ARHGAP17: variants seen among roughly 807,000 people sequenced by gnomAD.
ARHGAP17 encodes the protein rho GTPase-activating protein 17.
Under a neutral mutation model 99.5 loss-of-function variants are expected in ARHGAP17, and 57 were observed. The ratio of observed to expected loss-of-function variants is 0.57; its 90% CI spans 0.46 to 0.71. The LOEUF (loss-of-function observed/expected upper bound fraction) is 0.71, where lower values mean the gene tolerates loss of function less well. Among genes scored for constraint, ARHGAP17 ranks in the 30% least tolerant of loss-of-function variants. The pLI, the probability that ARHGAP17 is intolerant of heterozygous loss-of-function variation, is 0.00. For synonymous variants in ARHGAP17, 417 were observed against 429.6 expected, an observed-to-expected ratio of 0.97 and a Z score of 0.36; for missense variants, 1,000 against 1,122.4, an observed-to-expected ratio of 0.89 and a Z score of 1.56.
At chr16:24,975,139 T>C (rs1224123667) in intron 3 of ARHGAP17, among the ~76,000 whole-genome samples, 2 of 151,974 alleles carry the variant, frequency 1.3e-5, no homozygotes, top group Non-Finnish European at 2.9e-5. Context: ...GACAACAGAG[T>C]GAGACCCTGT....
At position 24,959,142 on chromosome 16, in the gene ARHGAP17, A is replaced by G. The variant is rs1597406493; in HGVS notation, c.724+529T>C. Among the ~76,000 whole-genome samples the G allele has an allele frequency of 2.0e-5, 3 of 152,362 alleles. No homozygotes were observed. In the South Asian group the frequency reaches 6.2e-4, roughly 32 times the overall value. Reference sequence around the variant, plus strand: ...TAGGAGAAATATTAATGGTGATAAGAACAAAAGCTTAGTATAAAGACAAAG... The same window carrying G: ...TAGGAGAAATATTAATGGTGATAAGGACAAAAGCTTAGTATAAAGACAAAG... On this transcript the variant is annotated intron_variant, in intron 9 of 19. Coordinates refer to ENST00000289968, the MANE Select transcript of ARHGAP17 (RefSeq NM_001006634.3).
intron 17 of ARHGAP17, among the ~76,000 whole-genome samples, chr16:24,937,411 G>A (rs2051171844): frequency 6.6e-6 from 1 of 152,020 alleles, no homozygotes; most frequent in Non-Finnish European, 1.5e-5. Context: ...AACAGAGCGA[G>A]ACTTCGTCTC....
At chr16:24,988,669 GTA>G in intron 1 of ARHGAP17, among the ~76,000 whole-genome samples, 1 of 152,244 alleles carries the variant, frequency 6.6e-6, no homozygotes, top group Non-Finnish European at 1.5e-5. Flanking sequence ...TCCTGCACAT[GTA>G]AGCTTACCCA....
intron 1 of ARHGAP17, among the ~76,000 whole-genome samples, chr16:25,010,492 T>C (rs1294906150): frequency 6.6e-6 from 1 of 152,256 alleles, no homozygotes; most frequent in East Asian, 1.9e-4. Flanking sequence ...TATAGACTGT[T>C]ACTATCAGAC....
intron 6 of ARHGAP17, among the ~76,000 whole-genome samples, chr16:24,968,029 A>G (rs930411004): frequency 2.6e-5 from 4 of 152,314 alleles, no homozygotes; most frequent in African/African-American, 9.6e-5. Flanking sequence ...ATGAGCTGTT[A>G]GGGCCACAGA....
intron 1 of ARHGAP17, among the ~76,000 whole-genome samples, chr16:25,006,175 A>C (rs1481215281): frequency 6.6e-6 from 1 of 152,116 alleles, no homozygotes; most frequent in Admixed American, 6.6e-5. Flanking sequence ...CACCTAATTA[A>C]GGTAACAGGA....
At chr16:24,946,946 C>T (rs1385162228) in intron 14 of ARHGAP17, among the ~76,000 whole-genome samples, 4 of 152,206 alleles carry the variant, frequency 2.6e-5, no homozygotes, top group African/African-American at 7.2e-5. Flanking sequence ...GCTTCAAATT[C>T]ATCATAATAT....
In ARHGAP17 at chr16:24,990,152, G is replaced by A. The variant is rs142972205; in HGVS notation, c.54-11147C>T. Among the ~76,000 whole-genome samples the A allele has an allele frequency of 2.4e-3, 366 of 152,260 alleles. 4 individuals are homozygous for A. The highest frequency in any genetic ancestry group is 0.021 in the Admixed American group (325 of 15,288). On this transcript the variant is annotated intron_variant, in intron 1 of 19. Transcript: ENST00000289968. The stretch of plus-strand genomic sequence containing the variant: ...TGTACAAACATTGCAGCCAACTAAA[G>A]ATAAAAGGGGAAAATGGGTAAATTT...
chr16:24,943,911 A>G (rs1369155204), intron 14 of ARHGAP17, 49 bp from the exon 15 acceptor site: 1 of 1,490,426 alleles, frequency 6.7e-7, no homozygotes, highest in South Asian at 1.1e-5. Context: ...GGCAGCATCT[A>G]ATTTCTTCTG....
At chr16:24,934,538 C>T (rs543944773) in intron 18 of ARHGAP17, among the ~76,000 whole-genome samples, 48 of 152,146 alleles carry the variant, frequency 3.2e-4, no homozygotes, top group Non-Finnish European at 5.4e-4. Flanking sequence ...ACTGCAGGCT[C>T]GACCTCCTGG....
At chr16:24,937,219 C>T (rs370233857) in intron 17 of ARHGAP17, among the ~76,000 whole-genome samples, 2 of 151,494 alleles carry the variant, frequency 1.3e-5, no homozygotes, top group South Asian at 2.1e-4. Flanking sequence ...GTCAGGACAT[C>T]GCGACCAGCC....
At chr16:24,987,462 T>TA (rs1373354607) in intron 1 of ARHGAP17, among the ~76,000 whole-genome samples, 1 of 152,210 alleles carries the variant, frequency 6.6e-6, no homozygotes, top group Non-Finnish European at 1.5e-5. Context: ...AAATTCTTCT[T>TA]ACTCAGAAGG....
intron 9 of ARHGAP17, 115 bp from the exon 10 acceptor site, chr16:24,954,845 A>G: frequency 7.2e-7 from 1 of 1,395,858 alleles, no homozygotes; most frequent in Non-Finnish European, 9.8e-7. Flanking sequence ...AGGCTGTGCA[A>G]GAGGGGATAC....
chr16:24,957,556 G>A (rs1266306398), intron 9 of ARHGAP17: 1 of 152,292 alleles, frequency 6.6e-6, no homozygotes, highest in Non-Finnish European at 1.5e-5. Flanking sequence ...CAGTCGAGTG[G>A]CGTGAGGAGA....
intron 13 of ARHGAP17, 120 bp downstream of exon 13, chr16:24,949,284 G>A (rs780219970): frequency 1.9e-5 from 13 of 700,568 alleles, no homozygotes; most frequent in Admixed American, 1.3e-4. Context: ...AAAGTGATGT[G>A]GTTTTTTTTG....
chr16:25,007,582 T>C (rs1233227882), intron 1 of ARHGAP17, among the ~76,000 whole-genome samples: 1 of 152,026 alleles, frequency 6.6e-6, no homozygotes, highest in African/African-American at 2.4e-5. Context: ...CTCAGGCTGG[T>C]CTCAAACTCC....
intron 19 of ARHGAP17, among the ~76,000 whole-genome samples, chr16:24,925,940 C>G (rs1227121445): frequency 6.6e-6 from 1 of 151,836 alleles, no homozygotes; most frequent in Non-Finnish European, 1.5e-5. Context: ...GAAACCCTGT[C>G]TCTACTAAAA....
chr16:24,926,688 A>G (rs896124557), intron 19 of ARHGAP17, among the ~76,000 whole-genome samples: 11 of 152,240 alleles, frequency 7.2e-5, no homozygotes, highest in African/African-American at 2.7e-4. Context: ...GATTTGGTCT[A>G]TCTGTGGTAC....
intron 1 of ARHGAP17, among the ~76,000 whole-genome samples, chr16:24,993,759 T>C (rs1328004914): frequency 6.6e-6 from 1 of 152,158 alleles, no homozygotes; most frequent in Non-Finnish European, 1.5e-5. Context: ...CAAAGTTAAA[T>C]TTCTCTTAAA....
Sources: allele counts gnomAD v4.1 joint callset (sites outside exome capture counted in the v4.1 genomes callset), GRCh38; gene constraint gnomAD v4.1.1; transcripts MANE v1.5; gene names NCBI Gene and HGNC (gene_info 2026-07-23, HGNC 2026-07-21).